CSMD1: variants seen among roughly 807,000 people sequenced by gnomAD.
The protein encoded by CSMD1 is CUB and sushi domain-containing protein 1.
CSMD1 carries 213 observed loss-of-function variants against 417.5 expected under a neutral mutation model. That is an observed-to-expected ratio of 0.51 (90% CI 0.46 to 0.57). The LOEUF is 0.57. Ranked by LOEUF, CSMD1 falls within the 20% of genes least tolerant of loss-of-function variation. The probability of loss-of-function intolerance (pLI) is 0.00; values close to 1 mark genes in which losing one functional copy is unlikely to be tolerated. For missense variants in CSMD1, 6,923 were observed against 4,529.7 expected, an observed-to-expected ratio of 1.53 and a Z score of -15.17; for synonymous variants, 2,862 against 1,736.8, an observed-to-expected ratio of 1.65 and a Z score of -16.11.
intron 17 of CSMD1, among the ~76,000 whole-genome samples, chr8:3,391,414 A>C (rs1431749731): frequency 6.6e-6 from 1 of 152,212 alleles, no homozygotes; most frequent in East Asian, 1.9e-4. Context: ...TTATTTTCCA[A>C]TTTCTTACAA....
intron 10 of CSMD1, among the ~76,000 whole-genome samples, chr8:3,497,066 T>G (rs1257096076): frequency 1.3e-5 from 2 of 152,218 alleles, no homozygotes; most frequent in African/African-American, 4.8e-5. Context: ...TAACATACGA[T>G]CAGTCCTGAA....
intron 5 of CSMD1, among the ~76,000 whole-genome samples, chr8:3,780,685 C>T (rs1360400530): frequency 6.6e-6 from 1 of 152,192 alleles, no homozygotes. Flanking sequence ...CTTCAGTTGT[C>T]GGCAGAAAGA....
chr8:4,973,529 C>G (rs1320841865), intron 1 of CSMD1, among the ~76,000 whole-genome samples: 2 of 152,104 alleles, frequency 1.3e-5, no homozygotes, highest in Non-Finnish European at 2.9e-5. Flanking sequence ...TAGAATCCTA[C>G]AGTTTACTTC....
Position 3,487,757 on chromosome 8 carries a change from T to C in CSMD1, c.1448+5866A>G, listed in dbSNP as rs558920765. Among the ~76,000 whole-genome samples the C allele has an allele frequency of 1.0e-3, 153 of 152,308 alleles. 1 individual carries two copies. Among genetic ancestry groups the C allele is most frequent in the African/African-American group, 3.3e-3 (139 of 41,570 alleles). On this transcript the variant is annotated intron_variant, in intron 11 of 69. Coordinates refer to ENST00000635120, the MANE Select transcript of CSMD1 (RefSeq NM_033225.6). The stretch of plus-strand genomic sequence containing the variant: ...AGCTGTGAATGTTTTTAAGAGTTCC[T>C]GGAAGCTTACAAATTACACTAAGTG...
intron 2 of CSMD1, among the ~76,000 whole-genome samples, chr8:4,467,802 G>T (rs898569372): frequency 3.3e-5 from 5 of 152,136 alleles, no homozygotes; most frequent in South Asian, 2.1e-4. Flanking sequence ...TATGGGGAAA[G>T]AACTAGTGAA....
intron 5 of CSMD1, among the ~76,000 whole-genome samples, chr8:3,964,568 T>G (rs1812548009): frequency 6.6e-6 from 1 of 152,212 alleles, no homozygotes; most frequent in African/African-American, 2.4e-5. Flanking sequence ...TGGAGAAGTC[T>G]TGCAGGTTAA....
At chr8:3,579,179 A>G (rs757854181) in intron 9 of CSMD1, among the ~76,000 whole-genome samples, 1 of 152,216 alleles carries the variant, frequency 6.6e-6, no homozygotes, top group Non-Finnish European at 1.5e-5. Flanking sequence ...TCACAGAATG[A>G]TAAATTGAAA....
chr8:3,964,343 T>C (rs1812530374), intron 5 of CSMD1, among the ~76,000 whole-genome samples: 1 of 152,224 alleles, frequency 6.6e-6, no homozygotes, highest in East Asian at 1.9e-4. Flanking sequence ...CGTGACTTAT[T>C]TGAGCACTGG....
At chr8:4,809,143 G>C (rs1046107418) in intron 1 of CSMD1, among the ~76,000 whole-genome samples, 11 of 152,132 alleles carry the variant, frequency 7.2e-5, no homozygotes, top group Non-Finnish European at 1.5e-5. Context: ...TATTAATTCA[G>C]GGACAACTGT....
At chr8:4,702,104 G>T (rs966724303) in intron 1 of CSMD1, among the ~76,000 whole-genome samples, 1 of 152,182 alleles carries the variant, frequency 6.6e-6, no homozygotes, top group Non-Finnish European at 1.5e-5. Context: ...ACTGGAGCCT[G>T]TCAGGGATGA....
chr8:4,177,469 G>C (rs1263357110), intron 3 of CSMD1, among the ~76,000 whole-genome samples: 4 of 152,064 alleles, frequency 2.6e-5, no homozygotes, highest in East Asian at 1.9e-4. Context: ...ATGTCCACAA[G>C]AGAAAGTAGG....
At chr8:4,797,948 G>A (rs1055444322) in intron 1 of CSMD1, among the ~76,000 whole-genome samples, 11 of 152,294 alleles carry the variant, frequency 7.2e-5, no homozygotes, top group African/African-American at 2.2e-4. Flanking sequence ...ACATACATAT[G>A]TGCCTAGACT....
chr8:4,191,654 A>G (rs779272309), intron 3 of CSMD1, among the ~76,000 whole-genome samples: 11 of 151,666 alleles, frequency 7.3e-5, no homozygotes, highest in African/African-American at 1.9e-4. Flanking sequence ...ATGAAAAGCC[A>G]TATGTAAAAT....
At chr8:4,231,827 G>A (rs911807404) in intron 3 of CSMD1, among the ~76,000 whole-genome samples, 2 of 152,162 alleles carry the variant, frequency 1.3e-5, no homozygotes, top group Admixed American at 6.5e-5. Context: ...TATAGGAAAA[G>A]CACCCAGAAT....
intron 7 of CSMD1, among the ~76,000 whole-genome samples, chr8:3,668,429 G>C (rs1026897442): frequency 6.6e-6 from 1 of 152,162 alleles, no homozygotes; most frequent in South Asian, 2.1e-4. Flanking sequence ...TACAGTGTAA[G>C]CTGAAGAGAT....
intron 1 of CSMD1, among the ~76,000 whole-genome samples, chr8:4,692,306 A>C (rs1806818318): frequency 6.6e-6 from 1 of 152,178 alleles, no homozygotes; most frequent in African/African-American, 2.4e-5. Flanking sequence ...AAACTCATTA[A>C]AGGAAATTTA....
chr8:4,179,679 T>C (rs1393066558), intron 3 of CSMD1, among the ~76,000 whole-genome samples: 4 of 152,114 alleles, frequency 2.6e-5, no homozygotes, highest in Admixed American at 6.6e-5. Flanking sequence ...AATCTACTCA[T>C]CTGACAAAGG....
intron 3 of CSMD1, among the ~76,000 whole-genome samples, chr8:4,407,697 G>A (rs1021490686): frequency 3.3e-5 from 5 of 152,046 alleles, no homozygotes; most frequent in East Asian, 1.9e-4. Context: ...TTGTTATCAC[G>A]ATATTCATAA....
At chr8:4,104,098 G>C (rs887297598) in intron 3 of CSMD1, among the ~76,000 whole-genome samples, 3 of 152,206 alleles carry the variant, frequency 2.0e-5, no homozygotes, top group Non-Finnish European at 4.4e-5. Context: ...AAATGATCAA[G>C]ATTGACCTGT....
Sources: gnomAD v4.1 joint callset for allele counts (sites outside exome capture counted in the v4.1 genomes callset) on GRCh38, gnomAD v4.1.1 for gene constraint, MANE v1.5 for transcripts, NCBI Gene and HGNC (gene_info 2026-07-23, HGNC 2026-07-21) for gene names.